KCNQ1: variants seen among roughly 807,000 people sequenced by gnomAD.
KCNQ1 encodes potassium voltage-gated channel subfamily KQT member 1.
KCNQ1 carries 49 observed loss-of-function variants against 72.4 expected under a neutral mutation model. The ratio of observed to expected loss-of-function variants is 0.68; its 90% CI spans 0.54 to 0.86. KCNQ1 has a LOEUF of 0.86. Ranked by LOEUF, KCNQ1 falls within the 40% of genes least tolerant of loss-of-function variation. The pLI is 0.00. For missense variants in KCNQ1, 790 were observed against 945.1 expected, an observed-to-expected ratio of 0.84 and a Z score of 2.15; for synonymous variants, 450 against 412.6, an observed-to-expected ratio of 1.09 and a Z score of -1.10.
In KCNQ1 at chr11:2,543,987, G is replaced by A. The variant is rs886177764; in HGVS notation, c.477+15969G>A. The stretch of plus-strand genomic sequence containing the variant: ...CCAGTCACACACTGGGATTGTTACA[G>A]CCCTATAATACGGTTAAAATAAGTT... On this transcript the variant is annotated intron_variant, in intron 2 of 15. Transcript: ENST00000155840. This position sits in a 1 kb window ranked among gnomAD's most constrained non-coding sequence, Gnocchi z 5.6. Among the ~76,000 whole-genome samples the A allele has an allele frequency of 6.6e-6, 1 of 152,180 alleles. No individual in the cohort carries two copies. Among genetic ancestry groups the A allele is most frequent in the Non-Finnish European group, 1.5e-5 (1 of 68,038 alleles).
At chr11:2,587,932 C>T (rs1282103856) in intron 9 of KCNQ1, among the ~76,000 whole-genome samples, 2 of 152,142 alleles carry the variant, frequency 1.3e-5, no homozygotes, top group African/African-American at 2.4e-5. Flanking sequence ...ATGAGAGCTC[C>T]AGAGATAGAG....
At chr11:2,629,054 G>A in intron 10 of KCNQ1, 1 of 398,098 alleles carries the variant, frequency 2.5e-6, no homozygotes, top group Non-Finnish European at 4.4e-6. Context: ...TATTGCTCAA[G>A]TATGCTTTAG....
intron 10 of KCNQ1, among the ~76,000 whole-genome samples, chr11:2,596,781 G>T (rs573907582): frequency 1.3e-5 from 2 of 151,896 alleles, no homozygotes; most frequent in African/African-American, 4.8e-5. Flanking sequence ...TAATCATGGC[G>T]ATGGTTTCAT....
At chr11:2,554,513 G>T (rs540788597) in intron 2 of KCNQ1, among the ~76,000 whole-genome samples, 11 of 152,328 alleles carry the variant, frequency 7.2e-5, no homozygotes, top group Middle Eastern at 3.4e-3. Flanking sequence ...ATCTGCAGGG[G>T]GACCCTCCTC....
rs2188195 is a variant in KCNQ1 at position 2,599,315 on chromosome 11, C to T, written c.1393+10461C>T. On this transcript the variant is annotated intron_variant, in intron 10 of 15. Coordinates refer to ENST00000155840, the MANE Select transcript of KCNQ1 (RefSeq NM_000218.3). This position sits in a 1 kb window ranked among gnomAD's most constrained non-coding sequence, Gnocchi z 4.7. ...TCAATCAGTAAAATAGTAAAAATGC[C>T]TCTAAGGCTGCTGAAACAATTTTAT... Among the ~76,000 whole-genome samples, 7,716 of 152,228 alleles carry T rather than the reference C, an allele frequency of 0.051. 659 individuals are homozygous for T. Among genetic ancestry groups the T allele is most frequent in the African/African-American group, 0.18 (7,276 of 41,512 alleles).
At position 2,848,934 on chromosome 11, in the gene KCNQ1, C is replaced by G. The variant is rs80148517; in HGVS notation, c.*931C>G. ...TGGATCTGTGTTTTAATGAGTTTCA[C>G]AGTGTGATTTTGATTATTAATTGTG... On this transcript the variant is annotated 3_prime_UTR_variant, in exon 16 of 16. Coordinates refer to ENST00000155840, the MANE Select transcript of KCNQ1 (RefSeq NM_000218.3). The G allele has an allele frequency of 8.8e-6, 4 of 454,142 alleles. No homozygotes were observed. The highest frequency in any genetic ancestry group is 1.6e-5 in the South Asian group (1 of 64,476). The allele number at this position is 454,142 out of a possible 1,614,324, so 28.1% of individuals were successfully genotyped here.
chr11:2,631,100 G>GT (rs1849345553), intron 10 of KCNQ1: 4 of 398,380 alleles, frequency 1.0e-5, no homozygotes, highest in Admixed American at 8.8e-5. Context: ...TGAGCTTCAT[G>GT]TACCTAGATG....
At position 2,715,811 on chromosome 11, in the gene KCNQ1, C is replaced by T. The variant is rs1414670040; in HGVS notation, c.1515-53033C>T. Among the ~76,000 whole-genome samples, 1 of 152,244 alleles carries T rather than the reference C, an allele frequency of 6.6e-6. No individual in the cohort carries two copies. Among genetic ancestry groups the T allele is most frequent in the Non-Finnish European group, 1.5e-5 (1 of 68,046 alleles). On this transcript the variant is annotated intron_variant, in intron 11 of 15. Coordinates refer to ENST00000155840, the MANE Select transcript of KCNQ1 (RefSeq NM_000218.3). The surrounding 1 kb of genome is among the most constrained non-coding windows in gnomAD (Gnocchi z 4.9). ...CTGGAGCAGCCCCGCATCCCACATC[C>T]CCGCAGCCTTGCGCTGGTCTAAATG...
chr11:2,563,425 G>A lies in KCNQ1; in HGVS notation c.478-7203G>A, dbSNP rs1400121182. Among the ~76,000 whole-genome samples, 1 of 152,202 alleles carries A rather than the reference G, an allele frequency of 6.6e-6. No homozygotes were observed. Among genetic ancestry groups the A allele is most frequent in the Non-Finnish European group, 1.5e-5 (1 of 68,038 alleles). ...GGCTTCGGGCAGGTCTCCTCTTTAT[G>A]CCACTGTAACCCCACAACACCGGAT... On this transcript the variant is annotated intron_variant, in intron 2 of 15. Coordinates refer to ENST00000155840, the MANE Select transcript of KCNQ1 (RefSeq NM_000218.3). This position sits in a 1 kb window ranked among gnomAD's most constrained non-coding sequence, Gnocchi z 7.4.
At chr11:2,625,714 C>T (rs540510723) in intron 10 of KCNQ1, 22 of 397,424 alleles carry the variant, frequency 5.5e-5, no homozygotes, top group Non-Finnish European at 7.5e-5. Flanking sequence ...GGACTACAGG[C>T]GCCCACCACC....
chr11:2,618,375 C>T (rs1040745264), intron 10 of KCNQ1: 7 of 398,380 alleles, frequency 1.8e-5, no homozygotes, highest in Non-Finnish European at 2.7e-5. Context: ...TCATTAAAGC[C>T]ATCCTGGGCT....
In KCNQ1 at chr11:2,623,950, A is replaced by T; in HGVS notation, c.1393+35096A>T. On this transcript the variant is annotated intron_variant, in intron 10 of 15. Transcript: ENST00000155840. The surrounding 1 kb of genome is among the most constrained non-coding windows in gnomAD (Gnocchi z 5.2). ...TTTTAATTCTTTGAAGAACCACCAA[A>T]CTCTTCTCCACCAGGGCTGCACCAC... is the stretch of plus-strand genomic sequence containing the variant. 2.5e-6 allele frequency: 1 copy of T among 398,434 alleles called. No individual in the cohort carries two copies. Among genetic ancestry groups the T allele is most frequent in the Non-Finnish European group, 4.4e-6 (1 of 226,036 alleles). The allele number at this position is 398,434 out of a possible 1,614,324, so 24.7% of individuals were successfully genotyped here.
rs141513740 is a variant in KCNQ1 at position 2,833,684 on chromosome 11, A to T, written c.1795-14083A>T. On this transcript the variant is annotated intron_variant, in intron 15 of 15. Transcript: ENST00000155840. ...TGGAGGTTCAGAGAGGTGAGCAAACACCAGGTCCCATGTTTGCACCTGGCT... is the reference window on the plus strand; with the variant it reads ...TGGAGGTTCAGAGAGGTGAGCAAACTCCAGGTCCCATGTTTGCACCTGGCT... Among the ~76,000 whole-genome samples the T allele has an allele frequency of 1.2e-3, 177 of 152,314 alleles. 3 individuals carry two copies. In the East Asian group the frequency reaches 0.014, roughly 12 times the overall value.
At chr11:2,555,816 G>A (rs991891236) in intron 2 of KCNQ1, among the ~76,000 whole-genome samples, 1 of 152,246 alleles carries the variant, frequency 6.6e-6, no homozygotes, top group Non-Finnish European at 1.5e-5. Context: ...GGGTTTTCTG[G>A]TGGAATGGGG....
At chr11:2,689,578 G>A in intron 11 of KCNQ1, 1 of 398,658 alleles carries the variant, frequency 2.5e-6, no homozygotes, top group Non-Finnish European at 4.4e-6. Flanking sequence ...AAATCTGTTA[G>A]CAGTGGTGTC....
chr11:2,614,475 A>T (rs910929265), intron 10 of KCNQ1: 1 of 398,190 alleles, frequency 2.5e-6, no homozygotes, highest in Non-Finnish European at 4.4e-6. Context: ...AGTCATAAAG[A>T]TTTACTCCTG....
chr11:2,578,271 A>T lies in KCNQ1; in HGVS notation c.922-5164A>T, dbSNP rs1053887472. ...GGGCTTTGCCTGAGGCCAGACGGACAGGGTGAGAACTGCCCCCCACACTCA... is the reference window on the plus strand; with the variant it reads ...GGGCTTTGCCTGAGGCCAGACGGACTGGGTGAGAACTGCCCCCCACACTCA... On this transcript the variant is annotated intron_variant, in intron 6 of 15. Transcript: ENST00000155840. 2.6e-5 allele frequency among the ~76,000 whole-genome samples: 4 copies of T among 152,216 alleles called. No homozygotes were observed. The East Asian group carries it at 7.7e-4, about 29-fold the overall frequency.
chr11:2,465,052 G>A (rs555076470), intron 1 of KCNQ1, among the ~76,000 whole-genome samples: 9 of 152,300 alleles, frequency 5.9e-5, no homozygotes, highest in South Asian at 2.1e-4. Flanking sequence ...GGTAACGGCC[G>A]CTCCTTCAGG....
In KCNQ1 at chr11:2,592,272, T is replaced by C. The variant is rs1215983945; in HGVS notation, c.1393+3418T>C. ...TGGGGAACTCCTGAGGACACCTGTG[T>C]GTCCTGACACCTCACTGAGCCTGTC... On this transcript the variant is annotated intron_variant, in intron 10 of 15. Transcript: ENST00000155840. The surrounding 1 kb of genome is among the most constrained non-coding windows in gnomAD (Gnocchi z 5.2). Among the ~76,000 whole-genome samples, 2 of 152,224 alleles carry C rather than the reference T, an allele frequency of 1.3e-5. No individual in the cohort carries two copies. Among genetic ancestry groups the C allele is most frequent in the Admixed American group, 6.5e-5 (1 of 15,284 alleles).
Sources: allele counts gnomAD v4.1 joint callset (sites outside exome capture counted in the v4.1 genomes callset), GRCh38; gene constraint gnomAD v4.1.1; non-coding constraint Gnocchi (gnomAD v3.1); transcripts MANE v1.5; gene names NCBI Gene and HGNC (gene_info 2026-07-23, HGNC 2026-07-21).